Variants in NAALADL2 observed in about 807,000 individuals in gnomAD.
NAALADL2 encodes the protein inactive N-acetylated-alpha-linked acidic dipeptidase-like protein 2.
NAALADL2 carries 76 observed loss-of-function variants against 87.2 expected under a neutral mutation model. The ratio of observed to expected loss-of-function variants is 0.87; its 90% confidence interval spans 0.72 to 1.05. The LOEUF is 1.05. NAALADL2 is among the 50% of genes least tolerant of loss of function. The probability of loss-of-function intolerance (pLI) is 0.00; values close to 1 mark genes in which losing one functional copy is unlikely to be tolerated. For synonymous variants in NAALADL2, 354 were observed against 331.0 expected (o/e 1.07, Z -0.75); for missense variants, 1,089 against 945.8 (o/e 1.15, Z -1.99).
At chr3:175,588,540 T>TC (rs1288437004) in intron 10 of NAALADL2, among the ~76,000 whole-genome samples, 1 of 130,902 alleles carries the variant, frequency 7.6e-6, no homozygotes, top group South Asian at 2.6e-4. Flanking sequence ...TTTTCTTTTT[T>TC]TTTTTTTTTT....
chr3:174,864,461 C>G (rs1399753274), intron 1 of NAALADL2, among the ~76,000 whole-genome samples: 1 of 151,966 alleles, frequency 6.6e-6, no homozygotes, highest in Non-Finnish European at 1.5e-5. Context: ...GTTTAATCCC[C>G]TTTGATTTAA....
rs147455921 is a variant in NAALADL2 at position 174,835,795 on chromosome 3, A to G, written c.-9+98049A>G. Among the ~76,000 whole-genome samples the G allele has an allele frequency of 2.9e-3, 442 of 152,264 alleles. 2 individuals are homozygous for G. The highest frequency in any genetic ancestry group is 0.01 in the African/African-American group (427 of 41,564). On this transcript the variant is annotated intron_variant, in intron 3 of 3. Transcript: ENST00000434257. ...AATTAGGGAAATCCAAATCAAAACAACCACGAGGTATTATTCATACCCATT... is the reference window on the plus strand; with the variant it reads ...AATTAGGGAAATCCAAATCAAAACAGCCACGAGGTATTATTCATACCCATT...
chr3:175,620,634 G>A (rs370476601), intron 10 of NAALADL2, among the ~76,000 whole-genome samples: 5 of 152,288 alleles, frequency 3.3e-5, no homozygotes, highest in African/African-American at 7.2e-5. Flanking sequence ...GCAGGAGGGG[G>A]TGTGTTACAG....
At chr3:175,610,397 C>CATA (rs1724460874) in intron 10 of NAALADL2, among the ~76,000 whole-genome samples, 1 of 151,858 alleles carries the variant, frequency 6.6e-6, no homozygotes, top group African/African-American at 2.4e-5. Flanking sequence ...TGACCTGTAG[C>CATA]ATAATAAACA....
intron 3 of NAALADL2, among the ~76,000 whole-genome samples, chr3:174,750,483 T>G (rs913698774): frequency 6.6e-6 from 1 of 152,034 alleles, no homozygotes; most frequent in South Asian, 2.1e-4. Context: ...CAGGCTGGCA[T>G]GCAGTAGCAC....
At chr3:175,377,696 CTGCACCCCATCCTG>C (rs1457512552) in intron 5 of NAALADL2, among the ~76,000 whole-genome samples, 1 of 152,178 alleles carries the variant, frequency 6.6e-6, no homozygotes, top group African/African-American at 2.4e-5. Context: ...ATGGCCTGTA[CTGCACCCCATCCTG>C]TGTCTATAAA....
At position 175,440,335 on chromosome 3, in the gene NAALADL2, T is replaced by C. The variant is rs1205770428; in HGVS notation, c.1091-6894T>C. ...AGGTAAGGTAATGCCTCCAGATTTG[T>C]TCTTTTTGCTCAGTCTTGCTTTGGC... On this transcript the variant is annotated intron_variant, in intron 5 of 13. Coordinates refer to ENST00000454872, the MANE Select transcript of NAALADL2 (RefSeq NM_207015.3). 3.9e-5 allele frequency among the ~76,000 whole-genome samples: 6 copies of C among 152,310 alleles called. No homozygotes were observed. The South Asian group carries it at 1.2e-3, about 32-fold the overall frequency.
intron 5 of NAALADL2, among the ~76,000 whole-genome samples, chr3:175,394,669 C>G (rs764354639): frequency 4.6e-5 from 7 of 152,148 alleles, no homozygotes; most frequent in Non-Finnish European, 1.0e-4. Flanking sequence ...CTACAGTAGT[C>G]TCCCCTTATC....
chr3:174,750,683 C>G (rs979661503), intron 3 of NAALADL2, among the ~76,000 whole-genome samples: 4 of 152,148 alleles, frequency 2.6e-5, no homozygotes, highest in African/African-American at 9.7e-5. Flanking sequence ...ATCCACCCGT[C>G]TCAGCCTCCC....
At chr3:174,592,224 A>T (rs1370829598) in intron 2 of NAALADL2, among the ~76,000 whole-genome samples, 1 of 148,334 alleles carries the variant, frequency 6.7e-6, no homozygotes, top group African/African-American at 2.5e-5. Context: ...TTATTTATTT[A>T]TTTTTGAAAC....
At chr3:175,225,447 A>G (rs1292423818) in intron 2 of NAALADL2, among the ~76,000 whole-genome samples, 1 of 152,162 alleles carries the variant, frequency 6.6e-6, no homozygotes, top group Admixed American at 6.5e-5. Flanking sequence ...TAAAAAGGGT[A>G]AGACTACTAC....
At chr3:174,871,249 C>A (rs1039988691) in intron 1 of NAALADL2, among the ~76,000 whole-genome samples, 2 of 152,152 alleles carry the variant, frequency 1.3e-5, no homozygotes, top group Non-Finnish European at 2.9e-5. Context: ...CATGTAAAAG[C>A]CATAAACTCC....
At chr3:175,618,806 T>G (rs1049296356) in intron 10 of NAALADL2, among the ~76,000 whole-genome samples, 5 of 152,148 alleles carry the variant, frequency 3.3e-5, no homozygotes, top group African/African-American at 1.2e-4. Flanking sequence ...TAAGTAGAGA[T>G]AGTCACACTT....
intron 2 of NAALADL2, among the ~76,000 whole-genome samples, chr3:175,132,185 G>A: frequency 1.1e-5 from 1 of 94,864 alleles, no homozygotes; most frequent in Non-Finnish European, 2.1e-5. Flanking sequence ...GGGCAGAGGG[G>A]CTCCTCACTT....
intron 10 of NAALADL2, among the ~76,000 whole-genome samples, chr3:175,577,316 G>A (rs1360645237): frequency 6.6e-6 from 1 of 152,188 alleles, no homozygotes; most frequent in African/African-American, 2.4e-5. Flanking sequence ...ACCTTGAGCA[G>A]ATAATAAGTC....
At chr3:174,739,243 C>G (rs1218824273) in intron 3 of NAALADL2, among the ~76,000 whole-genome samples, 1 of 151,858 alleles carries the variant, frequency 6.6e-6, no homozygotes, top group Non-Finnish European at 1.5e-5. Flanking sequence ...AAAATAAGTA[C>G]ATTTTATCAG....
At chr3:174,576,433 G>T (rs1041805404) in intron 2 of NAALADL2, among the ~76,000 whole-genome samples, 4 of 152,102 alleles carry the variant, frequency 2.6e-5, no homozygotes, top group African/African-American at 9.7e-5. Context: ...TCTTATAAAT[G>T]ATAGAATTGT....
At chr3:175,105,634 TAC>T (rs1722989908) in intron 2 of NAALADL2, among the ~76,000 whole-genome samples, 1 of 104,912 alleles carries the variant, frequency 9.5e-6, no homozygotes, top group Non-Finnish European at 1.9e-5. Context: ...TATTTGAGAA[TAC>T]ACACAGACAC....
chr3:174,514,597 A>C (rs192982543), intron 1 of NAALADL2, among the ~76,000 whole-genome samples: 14 of 152,310 alleles, frequency 9.2e-5, no homozygotes, highest in Non-Finnish European at 1.2e-4. Context: ...ATTTGTATAC[A>C]TGAATAGATG....
Sources: gnomAD v4.1 joint callset for allele counts (sites outside exome capture counted in the v4.1 genomes callset) on GRCh38, gnomAD v4.1.1 for gene constraint, MANE v1.5 for transcripts, NCBI Gene and HGNC (gene_info 2026-07-23, HGNC 2026-07-21) for gene names.